MCCC1: variants seen among roughly 807,000 people sequenced by gnomAD.
MCCC1 encodes the protein methylcrotonoyl-CoA carboxylase subunit alpha, mitochondrial.
In MCCC1, 64 loss-of-function variants were observed where a neutral mutation model predicts 83.8. That is an observed-to-expected ratio of 0.76 (90% CI 0.62 to 0.94). The LOEUF is 0.94. MCCC1 is among the 40% of genes least tolerant of loss of function. The pLI is 0.00. For missense variants in MCCC1, 807 were observed against 904.7 expected (o/e 0.89, Z 1.39); for synonymous variants, 322 against 315.4 (o/e 1.02, Z -0.22).
chr3:183,095,463 A>C (rs909167324), intron 1 of MCCC1, among the ~76,000 whole-genome samples: 1 of 152,254 alleles, frequency 6.6e-6, no homozygotes, highest in African/African-American at 2.4e-5. Context: ...CAACAGAAAG[A>C]ATGTTGGCTG....
intron 1 of MCCC1, among the ~76,000 whole-genome samples, chr3:183,105,120 G>T (rs1042150229): frequency 6.6e-6 from 1 of 152,196 alleles, no homozygotes; most frequent in African/African-American, 2.4e-5. Flanking sequence ...CGAGGCAGGC[G>T]ACTCACCTGA....
rs370349820 is a variant in MCCC1 at position 183,075,641 on chromosome 3, C to T, written c.370-3154G>A. Among the ~76,000 whole-genome samples the T allele has an allele frequency of 1.6e-4, 24 of 151,720 alleles. No homozygotes were observed. The East Asian group carries it at 3.9e-3, about 25-fold the overall frequency. ...TTGCAACCTCTGCTTCCCAGGTTCA[C>T]GCCATTCTCCTGCCTCAGCCTCCCA... On this transcript the variant is annotated intron_variant, in intron 4 of 18. Coordinates refer to ENST00000265594, the MANE Select transcript of MCCC1 (RefSeq NM_020166.5).
At chr3:183,041,861 A>G in intron 10 of MCCC1, 111 bp from the exon 11 acceptor site, 1 of 1,204,032 alleles carries the variant, frequency 8.3e-7, no homozygotes, top group Non-Finnish European at 1.2e-6. Flanking sequence ...AGGTTTTGCA[A>G]TGCAGCCAAA....
In MCCC1 at chr3:183,015,335, T is replaced by C; in HGVS notation, c.*103A>G. ...TGTTCAGCATAAGCATACAATCATT[T>C]AGTAAAACTGCTCTTTATGAGACCC... On this transcript the variant is annotated 3_prime_UTR_variant, in exon 19 of 19. Coordinates refer to ENST00000265594, the MANE Select transcript of MCCC1 (RefSeq NM_020166.5). The C allele has an allele frequency of 8.2e-7, 1 of 1,212,424 alleles. No homozygotes were observed. The highest frequency in any genetic ancestry group is 1.2e-6 in the Non-Finnish European group (1 of 816,748). 75.1% of individuals were successfully genotyped at this position (1,212,424 alleles called of 1,614,324 possible). A position where few individuals can be genotyped will look rare whatever the true frequency, so the allele number is the denominator to read the frequency against.
chr3:183,069,643 C>G (rs1716509778), intron 7 of MCCC1, among the ~76,000 whole-genome samples: 1 of 152,088 alleles, frequency 6.6e-6, no homozygotes, highest in African/African-American at 2.4e-5. Flanking sequence ...AGATTAATGT[C>G]AAAGAAGGGC....
chr3:183,087,883 A>AG (rs1560275191), intron 3 of MCCC1, among the ~76,000 whole-genome samples: 1 of 151,586 alleles, frequency 6.6e-6, no homozygotes, highest in African/African-American at 2.4e-5. Context: ...AAAAAAAAAA[A>AG]AAAAAAGGAT....
intron 4 of MCCC1, among the ~76,000 whole-genome samples, chr3:183,084,685 G>C (rs1717762425): frequency 6.6e-6 from 1 of 152,180 alleles, no homozygotes; most frequent in Non-Finnish European, 1.5e-5. Context: ...ACTTTGGGAG[G>C]CTGAGGTGGG....
At chr3:183,091,429 C>T (rs954079979) in intron 3 of MCCC1, among the ~76,000 whole-genome samples, 1 of 151,934 alleles carries the variant, frequency 6.6e-6, no homozygotes, top group Non-Finnish European at 1.5e-5. Context: ...AGTAGCCAGG[C>T]GTGGTGGTGT....
intron 7 of MCCC1, among the ~76,000 whole-genome samples, chr3:183,070,779 G>T (rs1716610615): frequency 6.6e-6 from 1 of 151,844 alleles, no homozygotes; most frequent in East Asian, 1.9e-4. Flanking sequence ...TATGTATTTT[G>T]TTTGCTGTAT....
At chr3:183,107,527 A>ATTATTC (rs1719425683) in intron 1 of MCCC1, among the ~76,000 whole-genome samples, 1 of 150,674 alleles carries the variant, frequency 6.6e-6, no homozygotes, top group Non-Finnish European at 1.5e-5. Context: ...TATTATTATT[A>ATTATTC]TTATTATTTG....
At chr3:183,073,470 A>G (rs994794188) in intron 4 of MCCC1, among the ~76,000 whole-genome samples, 5 of 152,252 alleles carry the variant, frequency 3.3e-5, no homozygotes, top group African/African-American at 1.2e-4. Flanking sequence ...GTCATGTATT[A>G]AAGTCTACAG....
At chr3:183,055,132 G>A (rs897296834) in intron 8 of MCCC1, among the ~76,000 whole-genome samples, 2 of 152,090 alleles carry the variant, frequency 1.3e-5, no homozygotes, top group East Asian at 3.9e-4. Context: ...GGCCGGGTGC[G>A]GTGGCTCAAG....
chr3:183,113,379 G>A (rs1719532893), intron 1 of MCCC1, among the ~76,000 whole-genome samples: 1 of 138,790 alleles, frequency 7.2e-6, no homozygotes, highest in Non-Finnish European at 1.5e-5. Context: ...AGAACACTTG[G>A]ACAGGAAGGG....
chr3:183,037,350 A>G lies in MCCC1; in HGVS notation c.1462T>C (p.Phe488Leu). ...EFEAGNVHTDFIPQHHKQLLL... is the reference protein window; with the variant it reads ...EFEAGNVHTDLIPQHHKQLLL... ...AACTGTTTGTGGTGTTGAGGGATGAAATCAGTGTGCACGTTCCCAGCTTCA... is the reference window on the plus strand; with the variant it reads ...AACTGTTTGTGGTGTTGAGGGATGAGATCAGTGTGCACGTTCCCAGCTTCA... The change falls in exon 13 of 19, where the codon TTC (phenylalanine) becomes CTC (leucine). Residue 488 changes from phenylalanine (F) to leucine (L), a missense_variant. Phe to Leu is a conservative substitution (Grantham distance 22). Coordinates refer to ENST00000265594, the MANE Select transcript of MCCC1 (RefSeq NM_020166.5). 6.2e-7 allele frequency: 1 copy of G among 1,614,106 alleles called. No individual in the cohort carries two copies. The highest frequency in any genetic ancestry group is 8.5e-7 in the Non-Finnish European group (1 of 1,180,034).
At chr3:183,060,754 G>A (rs1007260376) in intron 7 of MCCC1, among the ~76,000 whole-genome samples, 1 of 152,098 alleles carries the variant, frequency 6.6e-6, no homozygotes, top group Non-Finnish European at 1.5e-5. Flanking sequence ...GCCCCGGTGT[G>A]TGATGTTCCC....
chr3:183,050,612 A>G (rs1714893491), intron 9 of MCCC1, among the ~76,000 whole-genome samples: 1 of 150,296 alleles, frequency 6.7e-6, no homozygotes, highest in African/African-American at 2.5e-5. Context: ...GGGCTGGGAC[A>G]GGAGAATCAT....
intron 4 of MCCC1, among the ~76,000 whole-genome samples, chr3:183,078,070 A>C (rs542436141): frequency 1.3e-5 from 2 of 152,232 alleles, no homozygotes; most frequent in South Asian, 4.1e-4. Context: ...CCCAGGCTGG[A>C]GTGCAATGGC....
At chr3:183,033,368 A>G (rs1386229953) in intron 14 of MCCC1, among the ~76,000 whole-genome samples, 1 of 152,252 alleles carries the variant, frequency 6.6e-6, no homozygotes, top group Non-Finnish European at 1.5e-5. Flanking sequence ...TCTGCCACTC[A>G]CTAGCCTTGA....
chr3:183,091,573 A>AAAAACAAAAC (rs540422401), intron 3 of MCCC1, among the ~76,000 whole-genome samples: 14 of 151,854 alleles, frequency 9.2e-5, no homozygotes, highest in African/African-American at 3.4e-4. Flanking sequence ...TGTCAAAAAC[A>AAAAACAAAAC]AAAACAAAAC....
Sources: allele counts gnomAD v4.1 joint callset (sites outside exome capture counted in the v4.1 genomes callset), GRCh38; gene constraint gnomAD v4.1.1; transcripts MANE v1.5; gene names NCBI Gene and HGNC (gene_info 2026-07-23, HGNC 2026-07-21).